Variants in KLHL28 observed in about 807,000 individuals in gnomAD.
KLHL28 encodes the protein kelch like family member 28, also known as kelch-like protein 28.
Under a neutral mutation model 48.3 loss-of-function variants are expected in KLHL28, and 22 were observed. That is an observed-to-expected ratio of 0.46 (90% CI 0.33 to 0.65). The LOEUF (loss-of-function observed/expected upper bound fraction) is 0.65, where lower values mean the gene tolerates loss of function less well. Among genes scored for constraint, KLHL28 ranks in the 30% least tolerant of loss-of-function variants. KLHL28 has a pLI of 0.03. For missense variants in KLHL28, 527 were observed against 704.3 expected, an observed-to-expected ratio of 0.75 and a Z score of 2.85; for synonymous variants, 243 against 242.4, an observed-to-expected ratio of 1.00 and a Z score of -0.02.
intron 1 of KLHL28, among the ~76,000 whole-genome samples, chr14:44,947,990 A>G (rs1364787236): frequency 1.3e-5 from 2 of 152,156 alleles, no homozygotes; most frequent in Non-Finnish European, 2.9e-5. Flanking sequence ...ATCAGAAGGC[A>G]TAAGTTTAGA....
chr14:44,947,298 T>C (rs921453028), intron 1 of KLHL28, among the ~76,000 whole-genome samples: 2 of 152,184 alleles, frequency 1.3e-5, no homozygotes, highest in Non-Finnish European at 2.9e-5. Context: ...CAAGAACAGA[T>C]TCTCCCGTAG....
chr14:44,926,674 T>G lies in KLHL28; in HGVS notation c.*2354A>C, dbSNP rs1883383236. 1 of 152,066 alleles carries G rather than the reference T, an allele frequency of 6.6e-6. No homozygotes were observed. The highest frequency in any genetic ancestry group is 1.9e-4 in the East Asian group (1 of 5,174). The allele number at this position is 152,066 out of a possible 1,614,324, so 9.4% of individuals were successfully genotyped here. A position where few individuals can be genotyped will look rare whatever the true frequency, so the allele number is the denominator to read the frequency against. ...GGTACCTGCCACAATGCCCAGCTAA[T>G]TTTTTGTATTTTTAGTAGAGACGGG... On this transcript the variant is annotated 3_prime_UTR_variant, in exon 5 of 5. Transcript: ENST00000396128.
intron 2 of KLHL28, among the ~76,000 whole-genome samples, chr14:44,942,976 C>G (rs1056405938): frequency 1.3e-5 from 2 of 152,028 alleles, no homozygotes; most frequent in Non-Finnish European, 2.9e-5. Context: ...CCTGAATGAT[C>G]ATTCAGGTTG....
At chr14:44,955,554 T>C (rs773924088) in intron 1 of KLHL28, among the ~76,000 whole-genome samples, 72 of 152,078 alleles carry the variant, frequency 4.7e-4, no homozygotes, top group Non-Finnish European at 1.2e-4. Context: ...GGTGGGAGGA[T>C]AGCTTGAGCC....
rs574019823 is a variant in KLHL28, at chr14:44,937,369, G to A, written c.900-2811C>T. ...TCACTATATTGGCCAGGCTGGTCTC[G>A]AACTCCTGAACTTGTGATCTGCCTG... On this transcript the variant is annotated intron_variant, in intron 2 of 4. Coordinates refer to ENST00000396128, the MANE Select transcript of KLHL28 (RefSeq NM_017658.5). Among the ~76,000 whole-genome samples, 16 of 152,032 alleles carry A rather than the reference G, an allele frequency of 1.1e-4. 1 individual carries two copies. In the South Asian group the frequency reaches 2.3e-3, roughly 22 times the overall value.
chr14:44,961,007 A>C lies in KLHL28; in HGVS notation c.-1+839T>G, dbSNP rs891066787. The C allele has an allele frequency of 3.7e-6, 3 of 818,134 alleles. No individual in the cohort carries two copies. In the African/African-American group the frequency reaches 5.2e-5, roughly 14 times the overall value. 50.7% of individuals were successfully genotyped at this position (818,134 alleles called of 1,614,324 possible). On this transcript the variant is annotated intron_variant, in intron 1 of 4. Coordinates refer to ENST00000396128, the MANE Select transcript of KLHL28 (RefSeq NM_017658.5). ...TAATAGTATTATTCCTTCAAAAAAA[A>C]AAAATATCTCTTCCACACTCCAAAG...
chr14:44,941,825 C>T (rs1884108430), intron 2 of KLHL28, among the ~76,000 whole-genome samples: 1 of 151,992 alleles, frequency 6.6e-6, no homozygotes, highest in Non-Finnish European at 1.5e-5. Context: ...CACTTGGTTC[C>T]CCTACCGCTA....
In KLHL28 at chr14:44,927,885, T is replaced by G. The variant is rs930019268; in HGVS notation, c.*1143A>C. The stretch of plus-strand genomic sequence containing the variant: ...AAGAAAGAAGATCAAAAGTGTAACT[T>G]TCTTTAAATCACTATTCAGGAACCA... On this transcript the variant is annotated 3_prime_UTR_variant, in exon 5 of 5. Coordinates refer to ENST00000396128, the MANE Select transcript of KLHL28 (RefSeq NM_017658.5). The G allele has an allele frequency of 4.6e-5, 7 of 152,620 alleles. No homozygotes were observed. The highest frequency in any genetic ancestry group is 1.0e-4 in the Non-Finnish European group (7 of 68,020). The allele number at this position is 152,620 out of a possible 1,614,324, so 9.5% of individuals were successfully genotyped here.
chr14:44,931,245 C>G, intron 4 of KLHL28, 88 bp downstream of exon 4: 1 of 614,936 alleles, frequency 1.6e-6, no homozygotes, highest in Non-Finnish European at 2.6e-6. Flanking sequence ...AATATTCCTA[C>G]TGCTATATTC....
intron 2 of KLHL28, among the ~76,000 whole-genome samples, chr14:44,936,718 G>A (rs532893823): frequency 6.6e-6 from 1 of 152,296 alleles, no homozygotes; most frequent in East Asian, 1.9e-4. Context: ...TGGCCTAAGT[G>A]GAGAATTGAA....
chr14:44,938,812 C>G (rs1594571534), intron 2 of KLHL28, among the ~76,000 whole-genome samples: 1 of 152,306 alleles, frequency 6.6e-6, no homozygotes, highest in East Asian at 1.9e-4. Context: ...CCATACAGCT[C>G]TCACTGGTTG....
intron 1 of KLHL28, among the ~76,000 whole-genome samples, chr14:44,958,901 T>C (rs1451573299): frequency 1.3e-5 from 2 of 152,038 alleles, no homozygotes; most frequent in Admixed American, 6.5e-5. Flanking sequence ...CCTAAGTAGA[T>C]GAAAATATAT....
chr14:44,938,486 C>T (rs1193105729), intron 2 of KLHL28, among the ~76,000 whole-genome samples: 2 of 152,092 alleles, frequency 1.3e-5, no homozygotes, highest in African/African-American at 4.8e-5. Flanking sequence ...ATTCTCCTGC[C>T]TCAGCCTCCC....
chr14:44,929,423 A>G (rs1883492107), intron 4 of KLHL28, among the ~76,000 whole-genome samples: 1 of 152,158 alleles, frequency 6.6e-6, no homozygotes, highest in South Asian at 2.1e-4. Flanking sequence ...GTACAGTAAG[A>G]TATTTTGAGG....
At chr14:44,954,413 G>C (rs1884711810) in intron 1 of KLHL28, among the ~76,000 whole-genome samples, 1 of 152,032 alleles carries the variant, frequency 6.6e-6, no homozygotes, top group Non-Finnish European at 1.5e-5. Flanking sequence ...AGACCAAAAG[G>C]CAACTGACCA....
rs1461124938 is a variant in KLHL28, at chr14:44,927,509, C to T, written c.*1519G>A. On this transcript the variant is annotated 3_prime_UTR_variant, in exon 5 of 5. Transcript: ENST00000396128. ...AATCAAGGAAAAGAAAATCAAATGA[C>T]TACAGTTCCAAAATACAAGTACCGA... 1.3e-5 allele frequency: 2 copies of T among 152,256 alleles called. No homozygotes were observed. Among genetic ancestry groups the T allele is most frequent in the East Asian group, 3.9e-4 (2 of 5,188 alleles). 9.4% of individuals were successfully genotyped at this position (152,256 alleles called of 1,614,324 possible).
intron 1 of KLHL28, among the ~76,000 whole-genome samples, chr14:44,949,743 C>A (rs1884495303): frequency 1.3e-5 from 2 of 152,110 alleles, no homozygotes; most frequent in East Asian, 1.9e-4. Context: ...TCCAAACCAA[C>A]TACCCAAGTA....
Position 44,945,288 on chromosome 14 carries a change from T to C in KLHL28, c.641A>G (p.Gln214Arg). The C allele has an allele frequency of 6.2e-7, 1 of 1,614,206 alleles. No homozygotes were observed. ...SWIKYDVQER[Q>R]KYLAQLLNSV... ...GTTTAGTAACTGTGCTAAGTATTTC[T>C]GGCGTTCTTGTACATCATACTTGAT... is the stretch of plus-strand genomic sequence containing the variant. Residue 214 changes from glutamine (Q) to arginine (R), a missense_variant, in exon 2 of 5, where the codon CAG (glutamine) becomes CGG (arginine). Gln to Arg is a conservative substitution (Grantham distance 43, BLOSUM62 1). Transcript: ENST00000396128.
intron 1 of KLHL28, among the ~76,000 whole-genome samples, chr14:44,947,597 A>G (rs1177722057): frequency 6.6e-6 from 1 of 152,192 alleles, no homozygotes; most frequent in African/African-American, 2.4e-5. Flanking sequence ...ACGAAAAAGT[A>G]CATTTGGTTT....
Sources: allele counts gnomAD v4.1 joint callset (sites outside exome capture counted in the v4.1 genomes callset), GRCh38; gene constraint gnomAD v4.1.1; transcripts MANE v1.5; gene names NCBI Gene and HGNC (gene_info 2026-07-23, HGNC 2026-07-21).